Variants in SGSM2 observed in about 807,000 individuals in gnomAD.
SGSM2 encodes RUN and TBC1 domain containing 1.
A neutral mutation model predicts 126.6 loss-of-function variants in SGSM2; 89 were observed. That is an observed-to-expected ratio of 0.70 (90% CI 0.59 to 0.84). SGSM2 has a LOEUF of 0.84. Among genes scored for constraint, SGSM2 ranks in the 40% least tolerant of loss-of-function variants. SGSM2 has a pLI of 0.00. For missense variants in SGSM2, 1,404 were observed against 1,416.6 expected (o/e 0.99, Z 0.14); for synonymous variants, 614 against 574.3 (o/e 1.07, Z -0.99).
In SGSM2 at chr17:2,379,750, G is replaced by T; in HGVS notation, c.*230G>T. On this transcript the variant is annotated 3_prime_UTR_variant, in exon 24 of 24. Coordinates refer to ENST00000268989, the MANE Select transcript of SGSM2 (RefSeq NM_014853.3). ...TGGGAGGGGTCAGCCTCAGGGAGCA[G>T]CTGCCTTGGGGGACACACCTACTCT... 7.2e-7 allele frequency: 1 copy of T among 1,398,130 alleles called. No individual in the cohort carries two copies. 86.6% of individuals were successfully genotyped at this position (1,398,130 alleles called of 1,614,324 possible). A position where few individuals can be genotyped will look rare whatever the true frequency, so the allele number is the denominator to read the frequency against.
rs367774562 is a variant in SGSM2 at position 2,337,790 on chromosome 17, C to T, written c.57+45C>T. 8 of 1,451,484 alleles carry T rather than the reference C, an allele frequency of 5.5e-6. No homozygotes were observed. The African/African-American group carries it at 1.0e-4, about 19-fold the overall frequency. The allele number at this position is 1,451,484 out of a possible 1,614,324, so 89.9% of individuals were successfully genotyped here. On this transcript the variant is annotated intron_variant, in intron 1 of 23. Coordinates refer to ENST00000268989, the MANE Select transcript of SGSM2 (RefSeq NM_014853.3). The surrounding 1 kb of genome is among the most constrained non-coding windows in gnomAD (Gnocchi z 5.1). ...CCCGGGGGGCTCGCGCCCTGGCCCG[C>T]GCGGCCCAGGGGGCAGAAAGGTCCG...
Position 2,367,506 on chromosome 17 carries a change from G to T in SGSM2, c.1423+101G>T. The T allele has an allele frequency of 7.3e-7, 1 of 1,367,424 alleles. No homozygotes were observed. Among genetic ancestry groups the T allele is most frequent in the East Asian group, 2.4e-5 (1 of 41,976 alleles). 84.7% of individuals were successfully genotyped at this position (1,367,424 alleles called of 1,614,324 possible). A position where few individuals can be genotyped will look rare whatever the true frequency, so the allele number is the denominator to read the frequency against. ...GGTTCGAACGGCAGTGTTGGCATTAGGGGACTTGCACCCAGGGCAGTTCCC... is the reference window on the plus strand; with the variant it reads ...GGTTCGAACGGCAGTGTTGGCATTATGGGACTTGCACCCAGGGCAGTTCCC... On this transcript the variant is annotated intron_variant, in intron 12 of 23. Coordinates refer to ENST00000268989, the MANE Select transcript of SGSM2 (RefSeq NM_014853.3). This position sits in a 1 kb window ranked among gnomAD's most constrained non-coding sequence, Gnocchi z 4.0.
rs753176235 is a variant in SGSM2, at chr17:2,361,748, C to A, written c.245C>A (p.Ala82Glu). 1 of 1,613,278 alleles carries A rather than the reference C, an allele frequency of 6.2e-7. No individual in the cohort carries two copies. Among genetic ancestry groups the A allele is most frequent in the Non-Finnish European group, 8.5e-7 (1 of 1,179,934 alleles). ...AAGGTGGGGAAGACGTGCCCAGTGGCGGGGGAGATTTGCCACAAGGTACAG... is the reference window on the plus strand; with the variant it reads ...AAGGTGGGGAAGACGTGCCCAGTGGAGGGGGAGATTTGCCACAAGGTACAG... ...FTKVGKTCPV[A>E]GEICHKVQEL... Residue 82 changes from alanine to glutamate, a missense_variant, in exon 3 of 24, where the codon GCG becomes GAG. Physicochemically the swap from Ala to Glu is moderately radical, Grantham distance 107 (BLOSUM62 -1). Transcript: ENST00000268989.
Position 2,372,743 on chromosome 17 carries a change from C to T in SGSM2, c.1789-210C>T, listed in dbSNP as rs769830789. ...CTTTGCCTCTCTCCGGGCGCCATTT[C>T]CTGCCCCTTAAGGAAGGAGAGCAGA... On this transcript the variant is annotated intron_variant, in intron 15 of 23. Transcript: ENST00000268989. This position sits in a 1 kb window ranked among gnomAD's most constrained non-coding sequence, Gnocchi z 6.0. 11 of 833,666 alleles carry T rather than the reference C, an allele frequency of 1.3e-5. No homozygotes were observed. The highest frequency in any genetic ancestry group is 2.0e-5 in the Non-Finnish European group (11 of 544,224). The allele number at this position is 833,666 out of a possible 1,614,324, so 51.6% of individuals were successfully genotyped here. A position where few individuals can be genotyped will look rare whatever the true frequency, so the allele number is the denominator to read the frequency against.
At chr17:2,379,224 C>T (rs750825345) in intron 23 of SGSM2, 21 bp downstream of exon 23, 8 of 1,613,468 alleles carry the variant, frequency 5.0e-6, no homozygotes, top group Non-Finnish European at 6.8e-6. Context: ...GTCCAGCCAT[C>T]CAGGCTGCCC....
At chr17:2,348,590 G>A (rs2064708020) in intron 2 of SGSM2, among the ~76,000 whole-genome samples, 1 of 152,148 alleles carries the variant, frequency 6.6e-6, no homozygotes, top group African/African-American at 2.4e-5. Context: ...GGGTCACACA[G>A]ACCTGGGTTC....
In SGSM2 at chr17:2,363,794, C is replaced by G. The variant is rs930493876; in HGVS notation, c.807+195C>G. The G allele has an allele frequency of 1.1e-6, 1 of 915,760 alleles. No homozygotes were observed. Among genetic ancestry groups the G allele is most frequent in the African/African-American group, 1.7e-5 (1 of 59,994 alleles). 56.7% of individuals were successfully genotyped at this position (915,760 alleles called of 1,614,324 possible). A position where few individuals can be genotyped will look rare whatever the true frequency, so the allele number is the denominator to read the frequency against. ...GGCAGGGGACAGGAATGGCAGCCAG[C>G]AGGCGAGGGGAGTCCGCAGTGTGGG... On this transcript the variant is annotated intron_variant, in intron 7 of 23. Transcript: ENST00000268989. This position sits in a 1 kb window ranked among gnomAD's most constrained non-coding sequence, Gnocchi z 4.2.
intron 12 of SGSM2, among the ~76,000 whole-genome samples, chr17:2,368,238 C>T (rs574012774): frequency 5.3e-4 from 80 of 152,298 alleles, no homozygotes; most frequent in African/African-American, 1.9e-3. Context: ...CCTCTGCCTA[C>T]CACCCATCTT....
intron 11 of SGSM2, chr17:2,366,772 C>T (rs548122191): frequency 6.5e-6 from 1 of 152,754 alleles, no homozygotes. Context: ...CCAAGCGACT[C>T]CAGCTCCTTG....
rs762265392 is a variant in SGSM2 at position 2,364,063 on chromosome 17, A to C, written c.812A>C (p.Glu271Ala). 21 of 1,613,678 alleles carry C rather than the reference A, an allele frequency of 1.3e-5. No homozygotes were observed. Among genetic ancestry groups the C allele is most frequent in the Non-Finnish European group, 1.7e-5 (20 of 1,179,962 alleles). ...GKNHVLVQPK[E>A]DMEAVPGYLS... ...TTCCGGTGTCTCCCGCTGTAGAAGG[A>C]GGATATGGAGGCGGTCCCTGGCTAC... The change falls in exon 8 of 24, where the codon GAG becomes GCG. Residue 271 changes from glutamate to alanine, a missense_variant. Glu to Ala is a moderately radical substitution (Grantham distance 107, BLOSUM62 -1). Coordinates refer to ENST00000268989, the MANE Select transcript of SGSM2 (RefSeq NM_014853.3).
chr17:2,359,375 C>T (rs138434027), intron 2 of SGSM2, among the ~76,000 whole-genome samples: 140 of 152,244 alleles, frequency 9.2e-4, no homozygotes, highest in African/African-American at 2.9e-3. Context: ...AGTTACTGGC[C>T]GGGAGCCCAC....
intron 1 of SGSM2, among the ~76,000 whole-genome samples, chr17:2,338,187 G>A (rs2064173818): frequency 6.6e-6 from 1 of 152,164 alleles, no homozygotes; most frequent in African/African-American, 2.4e-5. Flanking sequence ...TGCGGGCTGA[G>A]CTCCCCCTTG....
chr17:2,347,293 A>G (rs367682800), intron 2 of SGSM2, among the ~76,000 whole-genome samples: 95 of 152,014 alleles, frequency 6.2e-4, no homozygotes, highest in African/African-American at 2.1e-3. Context: ...TTTAGTAGAG[A>G]CAGGGGTTTC....
At chr17:2,357,800 A>G (rs989875599) in intron 2 of SGSM2, among the ~76,000 whole-genome samples, 4 of 152,208 alleles carry the variant, frequency 2.6e-5, no homozygotes, top group Non-Finnish European at 5.9e-5. Context: ...CCCAGCCACT[A>G]AAGTCATGTT....
At position 2,376,994 on chromosome 17, in the gene SGSM2, A is replaced by C. The variant is rs771140524; in HGVS notation, c.2728A>C (p.Lys910Gln). The change falls in exon 21 of 24, where the codon AAG becomes CAG. Residue 910 changes from lysine (K) to glutamine (Q), a missense_variant. Coordinates refer to ENST00000268989, the MANE Select transcript of SGSM2 (RefSeq NM_014853.3). ...LAYSCFSHLM[K>Q]RMSQNFPNGG... ...CTACAGCTGCTTCAGCCACCTCATG[A>C]AGAGGATGAGCCAGAACTTCCCCAA... 6.2e-7 allele frequency: 1 copy of C among 1,613,836 alleles called. No individual in the cohort carries two copies. Among genetic ancestry groups the C allele is most frequent in the Admixed American group, 1.7e-5 (1 of 60,010 alleles).
chr17:2,375,846 C>T lies in SGSM2; in HGVS notation c.2455C>T (p.Leu819Phe). 2 of 1,531,328 alleles carry T rather than the reference C, an allele frequency of 1.3e-6. No individual in the cohort carries two copies. The highest frequency in any genetic ancestry group is 8.7e-7 in the Non-Finnish European group (1 of 1,144,190). The allele number at this position is 1,531,328 out of a possible 1,614,324, so 94.9% of individuals were successfully genotyped here. A position where few individuals can be genotyped will look rare whatever the true frequency, so the allele number is the denominator to read the frequency against. ...CGGAGAACTGGAGGCCGGAGAGGAG[C>T]TTGCGGCTGTGTGTGCGGCTGCCTA... is the stretch of plus-strand genomic sequence containing the variant. Reference protein sequence around the residue: ...QAGELEAGEELAAVCAAAYTI... With the variant: ...QAGELEAGEEFAAVCAAAYTI... Residue 819 changes from leucine to phenylalanine, a missense_variant, in exon 18 of 24, where the codon CTT becomes TTT. By Grantham distance (22) the Leu-to-Phe change is conservative. Transcript: ENST00000268989.
At chr17:2,344,898 A>T (rs1301330639) in intron 2 of SGSM2, among the ~76,000 whole-genome samples, 1 of 152,158 alleles carries the variant, frequency 6.6e-6, no homozygotes, top group Middle Eastern at 3.2e-3. Context: ...GGGGATTGAG[A>T]TGATGTGTGT....
Position 2,379,958 on chromosome 17 carries a change from GCAGTCCCAGTATATTGTGCGTGCAC to G in SGSM2, c.*442_*466del. The stretch of plus-strand genomic sequence containing the variant: ...CTGTGTCCCTTCTGAGGGTCCCTTT[GCAGTCCCAGTATATTGTGCGTGCAC>G]CAGCCCCAGCTGGAGCAACCAAAAC... On this transcript the variant is annotated 3_prime_UTR_variant, in exon 24 of 24. Coordinates refer to ENST00000268989, the MANE Select transcript of SGSM2 (RefSeq NM_014853.3). 1.4e-5 allele frequency: 19 copies of G among 1,338,594 alleles called. No homozygotes were observed. The highest frequency in any genetic ancestry group is 1.8e-5 in the Non-Finnish European group (19 of 1,044,210). The allele number at this position is 1,338,594 out of a possible 1,614,324, so 82.9% of individuals were successfully genotyped here.
chr17:2,379,210 G>A lies in SGSM2; in HGVS notation c.3067+7G>A. 6.2e-7 allele frequency: 1 copy of A among 1,614,042 alleles called. No individual in the cohort carries two copies. The highest frequency in any genetic ancestry group is 8.5e-7 in the Non-Finnish European group (1 of 1,179,932). On this transcript the variant is annotated splice_region_variant and intron_variant, in intron 23 of 23. Coordinates refer to ENST00000268989, the MANE Select transcript of SGSM2 (RefSeq NM_014853.3). ...ATCATCAAGTTTTTCAATGGTACGA[G>A]CTGGTCCAGCCATCCAGGCTGCCCT...
Sources: allele counts gnomAD v4.1 joint callset (sites outside exome capture counted in the v4.1 genomes callset), GRCh38; gene constraint gnomAD v4.1.1; non-coding constraint Gnocchi (gnomAD v3.1); transcripts MANE v1.5; gene names NCBI Gene and HGNC (gene_info 2026-07-23, HGNC 2026-07-21).